Variants in NFAT5 observed in about 807,000 individuals in gnomAD.
NFAT5 encodes the protein nuclear factor of activated T-cells 5.
Under a neutral mutation model 166.5 loss-of-function variants are expected in NFAT5, and 31 were observed. The ratio of observed to expected loss-of-function variants is 0.19; its 90% CI spans 0.14 to 0.25. The LOEUF (loss-of-function observed/expected upper bound fraction) is 0.25, where lower values mean the gene tolerates loss of function less well. Among genes scored for constraint, NFAT5 ranks in the 10% least tolerant of loss-of-function variants. The pLI, the probability that NFAT5 is intolerant of heterozygous loss-of-function variation, is 1.00. For synonymous variants in NFAT5, 612 were observed against 639.7 expected, an observed-to-expected ratio of 0.96 and a Z score of 0.65; for missense variants, 1,449 against 1,821.8, an observed-to-expected ratio of 0.80 and a Z score of 3.72.
chr16:69,689,476 T>A (rs1232407224), intron 11 of NFAT5, among the ~76,000 whole-genome samples: 9 of 152,224 alleles, frequency 5.9e-5, no homozygotes, highest in Admixed American at 5.9e-4. Context: ...GAATTAGGTT[T>A]TTAGCCAAAT....
chr16:69,663,462 C>T (rs2036233200), intron 7 of NFAT5, among the ~76,000 whole-genome samples: 1 of 150,314 alleles, frequency 6.7e-6, no homozygotes, highest in Non-Finnish European at 1.5e-5. Context: ...CAGCTAGGTG[C>T]AGTGGCACGC....
Position 69,698,067 on chromosome 16 carries a change from G to A in NFAT5, c.*1716G>A, listed in dbSNP as rs992435463. 1 of 150,294 alleles carries A rather than the reference G, an allele frequency of 6.7e-6. No homozygotes were observed. Among genetic ancestry groups the A allele is most frequent in the Non-Finnish European group, 1.5e-5 (1 of 67,736 alleles). 9.3% of individuals were successfully genotyped at this position (150,294 alleles called of 1,614,324 possible). The stretch of plus-strand genomic sequence containing the variant: ...GATGATCTTCCTTTGTTCTTTGAAT[G>A]TGCTCTTTTGTCTTTTTCTCTTTTT... On this transcript the variant is annotated 3_prime_UTR_variant, in exon 15 of 15. Coordinates refer to ENST00000349945, the MANE Select transcript of NFAT5 (RefSeq NM_138713.4).
chr16:69,595,587 G>A (rs996201672), intron 2 of NFAT5, among the ~76,000 whole-genome samples: 4 of 152,164 alleles, frequency 2.6e-5, no homozygotes, highest in Non-Finnish European at 2.9e-5. Context: ...TTGAGGTGTG[G>A]CAGCAAAACT....
intron 2 of NFAT5, among the ~76,000 whole-genome samples, chr16:69,603,729 G>A (rs1237760342): frequency 6.6e-6 from 1 of 152,152 alleles, no homozygotes; most frequent in African/African-American, 2.4e-5. Flanking sequence ...TCTAGCCTGG[G>A]TGACAAGTCA....
chr16:69,643,012 G>A (rs1475848802), intron 3 of NFAT5, among the ~76,000 whole-genome samples: 1 of 151,898 alleles, frequency 6.6e-6, no homozygotes, highest in African/African-American at 2.4e-5. Flanking sequence ...GAAGTCAGGA[G>A]TTCGAGACCA....
chr16:69,663,474 C>T (rs918091547), intron 7 of NFAT5, among the ~76,000 whole-genome samples: 14 of 151,100 alleles, frequency 9.3e-5, no homozygotes, highest in African/African-American at 3.2e-4. Context: ...GTGGCACGCA[C>T]CTGTAGTCCC....
At chr16:69,638,807 A>G (rs1331555404) in intron 3 of NFAT5, among the ~76,000 whole-genome samples, 2 of 152,020 alleles carry the variant, frequency 1.3e-5, no homozygotes, top group African/African-American at 4.8e-5. Context: ...TTAATCTAAA[A>G]TATTTAAAAT....
At chr16:69,591,185 G>A (rs1443687495) in intron 2 of NFAT5, among the ~76,000 whole-genome samples, 1 of 152,108 alleles carries the variant, frequency 6.6e-6, no homozygotes, top group Non-Finnish European at 1.5e-5. Context: ...GCCTGCTTTG[G>A]CCTCCCAAAG....
intron 2 of NFAT5, among the ~76,000 whole-genome samples, chr16:69,569,558 A>G (rs74026875): frequency 0.019 from 2,850 of 152,258 alleles, 90 homozygotes; most frequent in African/African-American, 0.065. Context: ...CTTAAATTTG[A>G]ATACCAACTT....
chr16:69,591,923 C>A, intron 2 of NFAT5, among the ~76,000 whole-genome samples: 1 of 151,962 alleles, frequency 6.6e-6, no homozygotes, highest in African/African-American at 2.4e-5. Context: ...GAATGAGACC[C>A]TGTCTTGATT....
At chr16:69,606,073 G>C (rs1380650456) in intron 2 of NFAT5, among the ~76,000 whole-genome samples, 3 of 152,094 alleles carry the variant, frequency 2.0e-5, no homozygotes, top group Non-Finnish European at 4.4e-5. Flanking sequence ...TGGAAGATAG[G>C]TACTTACCAG....
At chr16:69,646,860 C>A (rs2035457798) in intron 3 of NFAT5, among the ~76,000 whole-genome samples, 168 bp from the exon 4 acceptor site, 1 of 152,178 alleles carries the variant, frequency 6.6e-6, no homozygotes, top group African/African-American at 2.4e-5. Flanking sequence ...AATTCCATTT[C>A]TTAGGCCTTA....
At chr16:69,648,395 A>G (rs543906753) in intron 4 of NFAT5, 3 of 981,174 alleles carry the variant, frequency 3.1e-6, no homozygotes, top group South Asian at 4.7e-5. Context: ...ATTTAGATTC[A>G]TGTATCATAA....
chr16:69,686,838 G>C (rs1402832473), intron 11 of NFAT5, among the ~76,000 whole-genome samples: 10 of 152,112 alleles, frequency 6.6e-5, no homozygotes. Context: ...ACTTCAGCCT[G>C]GGCGACACAG....
intron 3 of NFAT5, chr16:69,644,849 TA>T: frequency 2.2e-6 from 1 of 455,054 alleles, no homozygotes; most frequent in Admixed American, 2.4e-5. Context: ...TCCTTAGATT[TA>T]AAAAGGGTGA....
chr16:69,662,607 C>T (rs960708051), intron 7 of NFAT5, among the ~76,000 whole-genome samples: 1 of 151,760 alleles, frequency 6.6e-6, no homozygotes, highest in Non-Finnish European at 1.5e-5. Context: ...CTACAGGCAC[C>T]CGCCACCACG....
At chr16:69,575,013 T>G (rs1338825041) in intron 2 of NFAT5, among the ~76,000 whole-genome samples, 1 of 152,088 alleles carries the variant, frequency 6.6e-6, no homozygotes, top group Non-Finnish European at 1.5e-5. Flanking sequence ...AAATAGGTAA[T>G]GATCATTATT....
At chr16:69,661,579 A>G (rs773644810) in intron 7 of NFAT5, among the ~76,000 whole-genome samples, 112 of 146,420 alleles carry the variant, frequency 7.6e-4, no homozygotes, top group Non-Finnish European at 6.0e-5. Context: ...GAAATTGTTC[A>G]GATGAGTGCT....
In NFAT5 at chr16:69,697,108, A is replaced by G. The variant is rs947467885; in HGVS notation, c.*757A>G. 1 of 152,646 alleles carries G rather than the reference A, an allele frequency of 6.6e-6. No homozygotes were observed. Among genetic ancestry groups the G allele is most frequent in the Admixed American group, 6.5e-5 (1 of 15,280 alleles). The allele number at this position is 152,646 out of a possible 1,614,324, so 9.5% of individuals were successfully genotyped here. ...TGAAGGGGATAATATATGATAAATT[A>G]TGTTCTGATATCCTCCTACAGTAGT... On this transcript the variant is annotated 3_prime_UTR_variant, in exon 15 of 15. Transcript: ENST00000349945.
Sources: gnomAD v4.1 joint callset for allele counts (sites outside exome capture counted in the v4.1 genomes callset) on GRCh38, gnomAD v4.1.1 for gene constraint, MANE v1.5 for transcripts, NCBI Gene and HGNC (gene_info 2026-07-23, HGNC 2026-07-21) for gene names.